Variants in PTPRK observed in about 807,000 individuals in gnomAD.
PTPRK encodes protein tyrosine phosphatase receptor type K, also known as receptor-type tyrosine-protein phosphatase kappa.
Under a neutral mutation model 178.0 loss-of-function variants are expected in PTPRK, and 75 were observed. The ratio of observed to expected loss-of-function variants is 0.42; its 90% confidence interval spans 0.35 to 0.51. The LOEUF (loss-of-function observed/expected upper bound fraction) is 0.51. Among genes scored for constraint, PTPRK ranks in the 20% least tolerant of loss-of-function variants. The pLI, the probability that PTPRK is intolerant of heterozygous loss-of-function variation, is 0.02. For synonymous variants in PTPRK, 637 were observed against 620.6 expected (o/e 1.03, Z -0.39); for missense variants, 1,441 against 1,797.8 (o/e 0.80, Z 3.59).
chr6:128,008,462 TC>T (rs921506266), intron 14 of PTPRK, among the ~76,000 whole-genome samples: 23 of 151,096 alleles, frequency 1.5e-4, no homozygotes, highest in African/African-American at 4.8e-4. Flanking sequence ...GTACAATAGC[TC>T]ATATTATAAA....
chr6:128,430,371 A>G (rs908362355), intron 1 of PTPRK, among the ~76,000 whole-genome samples: 1 of 152,208 alleles, frequency 6.6e-6, no homozygotes, highest in Non-Finnish European at 1.5e-5. Context: ...ACTAATGAAG[A>G]TATTAACATA....
rs1408320643 is a variant in PTPRK, at chr6:128,239,712, TTAAA to T, written c.693+319_693+322del. Among the ~76,000 whole-genome samples, 8 of 152,336 alleles carry T rather than the reference TTAAA, an allele frequency of 5.3e-5. No individual in the cohort carries two copies. The East Asian group carries it at 1.2e-3, about 22-fold the overall frequency. On this transcript the variant is annotated intron_variant, in intron 5 of 29. Transcript: ENST00000368226. ...TGTAAATTCAGTTTTAAAAATATTA[TTAAA>T]TAAGAAAAAATATCATTCTTATTCA...
At chr6:128,146,826 T>C (rs1354911720) in intron 7 of PTPRK, among the ~76,000 whole-genome samples, 1 of 152,144 alleles carries the variant, frequency 6.6e-6, no homozygotes, top group Non-Finnish European at 1.5e-5. Flanking sequence ...TAAGACACCA[T>C]GTCAAGGTAC....
At chr6:128,190,490 CTTTTTT>C (rs34873441) in intron 6 of PTPRK, among the ~76,000 whole-genome samples, 10 of 96,122 alleles carry the variant, frequency 1.0e-4, no homozygotes, top group East Asian at 3.7e-4. Flanking sequence ...TGATAGATAC[CTTTTTT>C]TTTTTTTTTT....
At chr6:128,351,733 A>G (rs1007085635) in intron 2 of PTPRK, among the ~76,000 whole-genome samples, 5 of 152,180 alleles carry the variant, frequency 3.3e-5, no homozygotes, top group Non-Finnish European at 7.4e-5. Context: ...TAAAAGCTAA[A>G]TATCATAGTC....
intron 2 of PTPRK, among the ~76,000 whole-genome samples, chr6:128,374,745 C>T (rs557102912): frequency 8.5e-5 from 13 of 152,272 alleles, no homozygotes; most frequent in East Asian, 7.7e-4. Flanking sequence ...CTCCACATCC[C>T]GCACTCAGTA....
At chr6:128,058,283 TAGG>T (rs1217974038) in intron 13 of PTPRK, among the ~76,000 whole-genome samples, 1 of 152,194 alleles carries the variant, frequency 6.6e-6, no homozygotes. Flanking sequence ...AGCAGGATGG[TAGG>T]AGATTTCCAG....
At chr6:128,334,744 G>A (rs1042703250) in intron 2 of PTPRK, among the ~76,000 whole-genome samples, 2 of 152,066 alleles carry the variant, frequency 1.3e-5, no homozygotes, top group African/African-American at 4.8e-5. Flanking sequence ...TATTCAAAAG[G>A]AAGGAAAAAT....
At chr6:128,116,705 G>A (rs1791582020) in intron 7 of PTPRK, among the ~76,000 whole-genome samples, 1 of 152,216 alleles carries the variant, frequency 6.6e-6, no homozygotes, top group South Asian at 2.1e-4. Context: ...ATAACCAGGT[G>A]AACATTGGCA....
chr6:127,980,423 C>T lies in PTPRK; in HGVS notation c.3711+693G>A, dbSNP rs140892128. Among the ~76,000 whole-genome samples, 1,446 of 151,718 alleles carry T rather than the reference C, an allele frequency of 9.5e-3. 14 individuals carry two copies. Among genetic ancestry groups the T allele is most frequent in the Admixed American group, 0.01 (156 of 15,230 alleles). ...AGGAGAATTGCTTGAACCTGGGAGGCGGAGGTTGCAGTGAGCTGAGATCAT... is the reference window on the plus strand; with the variant it reads ...AGGAGAATTGCTTGAACCTGGGAGGTGGAGGTTGCAGTGAGCTGAGATCAT... On this transcript the variant is annotated intron_variant, in intron 25 of 29. Transcript: ENST00000368226.
At chr6:128,265,673 T>A (rs1050785653) in intron 3 of PTPRK, among the ~76,000 whole-genome samples, 1 of 152,134 alleles carries the variant, frequency 6.6e-6, no homozygotes, top group Non-Finnish European at 1.5e-5. Context: ...CCTTTCAAAA[T>A]TTTGCCCTGA....
chr6:128,007,305 A>G (rs887944796), intron 14 of PTPRK, among the ~76,000 whole-genome samples: 18 of 150,928 alleles, frequency 1.2e-4, no homozygotes, highest in Admixed American at 8.0e-4. Context: ...ATATCTAAAT[A>G]ATGAAACCTG....
Position 128,184,699 on chromosome 6 carries a change from G to A in PTPRK, c.895C>T (p.Gln299Ter). Reference sequence around the variant, plus strand: ...TATGTAGGCCCAACACCAAGAAGCTGAGGAGGAGCAATGGGTCTTGGCGGT... The same window carrying A: ...TATGTAGGCCCAACACCAAGAAGCTAAGGAGGAGCAATGGGTCTTGGCGGT... ...REPPRPIAPP[Q>*]LLGVGPTYLL... is the part of the protein sequence containing the mutation. The change falls in exon 7 of 30, where the codon CAG (glutamine) becomes TAG (stop). Residue 299 changes from glutamine (Q) to a stop codon, truncating the protein, a stop_gained. Transcript: ENST00000368226. LOFTEE classifies it high-confidence loss of function. 9.9e-6 allele frequency: 16 copies of A among 1,613,918 alleles called. No individual in the cohort carries two copies. Among genetic ancestry groups the A allele is most frequent in the Non-Finnish European group, 1.4e-5 (16 of 1,179,904 alleles).
intron 3 of PTPRK, among the ~76,000 whole-genome samples, chr6:128,276,066 T>C (rs1820678093): frequency 6.6e-6 from 1 of 152,058 alleles, no homozygotes; most frequent in African/African-American, 2.4e-5. Flanking sequence ...ACATTAACTA[T>C]TTAATTAAAT....
chr6:128,047,711 A>T (rs1778308225), intron 13 of PTPRK, among the ~76,000 whole-genome samples: 1 of 152,240 alleles, frequency 6.6e-6, no homozygotes, highest in Non-Finnish European at 1.5e-5. Flanking sequence ...CTGAACCTTT[A>T]CACTACATAT....
intron 1 of PTPRK, among the ~76,000 whole-genome samples, chr6:128,491,109 G>A (rs554975821): frequency 9.8e-5 from 15 of 152,306 alleles, no homozygotes; most frequent in African/African-American, 3.4e-4. Context: ...CTGTGGTGAT[G>A]ATTAGATGTA....
chr6:128,282,777 A>G (rs1821872861), intron 3 of PTPRK, among the ~76,000 whole-genome samples: 2 of 152,204 alleles, frequency 1.3e-5, no homozygotes, highest in African/African-American at 4.8e-5. Flanking sequence ...ATTAATTAGT[A>G]GATACCCCCA....
chr6:128,088,384 A>G (rs1219472990), intron 8 of PTPRK, among the ~76,000 whole-genome samples: 1 of 151,872 alleles, frequency 6.6e-6, no homozygotes, highest in African/African-American at 2.4e-5. Context: ...CAAAAAAAAA[A>G]AAGAAAAGAA....
At chr6:128,315,820 C>A (rs929831048) in intron 3 of PTPRK, among the ~76,000 whole-genome samples, 2 of 152,072 alleles carry the variant, frequency 1.3e-5, no homozygotes. Flanking sequence ...AGATAAAAAA[C>A]GTATTCGTTT....
Sources: allele counts gnomAD v4.1 joint callset (sites outside exome capture counted in the v4.1 genomes callset), GRCh38; gene constraint gnomAD v4.1.1; transcripts MANE v1.5; gene names NCBI Gene and HGNC (gene_info 2026-07-23, HGNC 2026-07-21).